Variants in XIRP2 observed in about 807,000 individuals in gnomAD.
XIRP2 encodes xin actin-binding repeat-containing protein 2.
XIRP2 carries 236 observed loss-of-function variants against 277.0 expected under a neutral mutation model. The observed-to-expected ratio is 0.85, with a 90% CI of 0.77 to 0.95. The LOEUF (loss-of-function observed/expected upper bound fraction) is 0.95, where lower values mean the gene tolerates loss of function less well. XIRP2 is among the 40% of genes least tolerant of loss of function. The pLI, the probability that XIRP2 is intolerant of heterozygous loss-of-function variation, is 0.00. For synonymous variants in XIRP2, 1,490 were observed against 1,416.5 expected (o/e 1.05, Z -1.17); for missense variants, 4,640 against 4,157.5 (o/e 1.12, Z -3.19).
chr2:166,936,356 G>A (rs1217665263), intron 2 of XIRP2, among the ~76,000 whole-genome samples: 21 of 152,282 alleles, frequency 1.4e-4, no homozygotes, highest in Non-Finnish European at 2.6e-4. Context: ...CTCCCATTCT[G>A]TAGGTTGCCT....
intron 2 of XIRP2, among the ~76,000 whole-genome samples, chr2:167,017,262 T>C (rs984077003): frequency 6.6e-6 from 1 of 151,980 alleles, no homozygotes; most frequent in Admixed American, 6.6e-5. Context: ...CTATTGTAAT[T>C]TCCTCTAACC....
intron 2 of XIRP2, among the ~76,000 whole-genome samples, chr2:167,132,841 G>C (rs1419413275): frequency 6.6e-6 from 1 of 152,152 alleles, no homozygotes; most frequent in Non-Finnish European, 1.5e-5. Context: ...CTCTCACTGA[G>C]TTAATTCCCC....
chr2:166,968,101 A>C (rs1454658910), intron 2 of XIRP2, among the ~76,000 whole-genome samples: 2 of 151,952 alleles, frequency 1.3e-5, no homozygotes, highest in Non-Finnish European at 2.9e-5. Flanking sequence ...ATGCTAGCTA[A>C]ACATATAGAA....
At chr2:167,170,213 TGTTGA>T (rs1692645476) in intron 3 of XIRP2, among the ~76,000 whole-genome samples, 1 of 152,138 alleles carries the variant, frequency 6.6e-6, no homozygotes, top group African/African-American at 2.4e-5. Context: ...GTTTCTAATA[TGTTGA>T]GATTTTTGAG....
chr2:167,220,774 T>C (rs181330094), intron 5 of XIRP2, among the ~76,000 whole-genome samples: 1 of 152,350 alleles, frequency 6.6e-6, no homozygotes, highest in East Asian at 1.9e-4. Flanking sequence ...TTTCCCTAAA[T>C]GGAAGTTCTC....
intron 2 of XIRP2, among the ~76,000 whole-genome samples, chr2:166,912,162 T>C (rs2105347298): frequency 6.6e-6 from 1 of 152,332 alleles, no homozygotes; most frequent in East Asian, 1.9e-4. Flanking sequence ...CCTGCCTTGC[T>C]AGGTTGGGGA....
rs187376016 is a variant in XIRP2 at position 167,057,105 on chromosome 2, A to G, written c.409-78804A>G. ...AAGTGCATGGTCCAAGGATCACTAA[A>G]TATTTATTATCTATTACCATCATCA... On this transcript the variant is annotated intron_variant, in intron 2 of 10. Coordinates refer to ENST00000409195, the MANE Select transcript of XIRP2 (RefSeq NM_152381.6). Among the ~76,000 whole-genome samples, 576 of 152,302 alleles carry G rather than the reference A, an allele frequency of 3.8e-3. 4 individuals carry two copies. Among genetic ancestry groups the G allele is most frequent in the Non-Finnish European group, 6.9e-3 (466 of 68,010 alleles).
chr2:166,917,747 G>A (rs1684928090), intron 2 of XIRP2, among the ~76,000 whole-genome samples: 7 of 152,044 alleles, frequency 4.6e-5, no homozygotes, highest in Admixed American at 4.6e-4. Context: ...GACTAGTGAG[G>A]GTTTTTGCCC....
intron 2 of XIRP2, among the ~76,000 whole-genome samples, chr2:166,968,733 G>A (rs1312086691): frequency 6.6e-6 from 1 of 151,722 alleles, no homozygotes; most frequent in African/African-American, 2.4e-5. Context: ...ACCTTTAAAG[G>A]TAAAAAATTT....
chr2:167,028,594 AGGT>A (rs1688240510), intron 2 of XIRP2, among the ~76,000 whole-genome samples: 1 of 152,070 alleles, frequency 6.6e-6, no homozygotes, highest in Admixed American at 6.6e-5. Context: ...TTCCCAAGAC[AGGT>A]ACAAAGAAGT....
rs1559041719 is a variant in XIRP2, at chr2:167,247,375, G to A, written c.5983G>A (p.Asp1995Asn). 1 of 1,613,642 alleles carries A rather than the reference G, an allele frequency of 6.2e-7. No homozygotes were observed. The highest frequency in any genetic ancestry group is 8.5e-7 in the Non-Finnish European group (1 of 1,179,814). Residue 1995 changes from aspartate (D) to asparagine (N), a missense_variant, in exon 9 of 11, where the codon GAT becomes AAT. Transcript: ENST00000409195. Reference sequence around the variant, plus strand: ...AGCGGCCAAGTGGCAAGGGGGAGCAGATACTCTCAGTCAAACTATGGGGAA... The same window carrying A: ...AGCGGCCAAGTGGCAAGGGGGAGCAAATACTCTCAGTCAAACTATGGGGAA... Reference protein sequence around the residue: ...EPAAKWQGGADTLSQTMGKSC... With the variant: ...EPAAKWQGGANTLSQTMGKSC...
At chr2:167,109,601 A>G (rs1245102892) in intron 2 of XIRP2, among the ~76,000 whole-genome samples, 1 of 152,114 alleles carries the variant, frequency 6.6e-6, no homozygotes, top group East Asian at 1.9e-4. Flanking sequence ...TTCTTTAACC[A>G]GTCTAACGTT....
chr2:167,227,128 C>A (rs1418003788), intron 5 of XIRP2, among the ~76,000 whole-genome samples: 24 of 152,104 alleles, frequency 1.6e-4, no homozygotes, highest in Non-Finnish European at 1.5e-5. Flanking sequence ...GATTTCTGAT[C>A]TGAGGCTTAT....
intron 2 of XIRP2, among the ~76,000 whole-genome samples, chr2:167,067,168 T>C (rs2105246247): frequency 6.6e-6 from 1 of 152,248 alleles, no homozygotes; most frequent in South Asian, 2.1e-4. Context: ...TTCAATTACA[T>C]ATATCTATGA....
chr2:166,908,396 G>C (rs528126050), intron 2 of XIRP2, among the ~76,000 whole-genome samples: 1 of 152,202 alleles, frequency 6.6e-6, no homozygotes, highest in African/African-American at 2.4e-5. Context: ...TGTGTGTGTT[G>C]GCTGCATAAA....
intron 3 of XIRP2, among the ~76,000 whole-genome samples, chr2:167,189,048 ACT>A (rs1190647957): frequency 3.6e-4 from 55 of 152,298 alleles, no homozygotes; most frequent in African/African-American, 1.1e-3. Flanking sequence ...TTGATAATGT[ACT>A]GTTGTTCACA....
chr2:167,258,069 G>T lies in XIRP2; in HGVS notation c.*252G>T, dbSNP rs748455683. ...ATTGCAGAAAACACCCTTGTACCTGGAGATCGTAATGAACATTTAGATGCT... is the reference window on the plus strand; with the variant it reads ...ATTGCAGAAAACACCCTTGTACCTGTAGATCGTAATGAACATTTAGATGCT... On this transcript the variant is annotated 3_prime_UTR_variant, in exon 11 of 11. Coordinates refer to ENST00000409195, the MANE Select transcript of XIRP2 (RefSeq NM_152381.6). The T allele has an allele frequency of 1.1e-5, 18 of 1,612,892 alleles. No homozygotes were observed. In the South Asian group the frequency reaches 1.5e-4, roughly 14 times the overall value.
intron 2 of XIRP2, among the ~76,000 whole-genome samples, chr2:167,027,308 C>A (rs890413802): frequency 2.6e-5 from 4 of 152,134 alleles, no homozygotes; most frequent in African/African-American, 4.8e-5. Flanking sequence ...GCTCCTGAGG[C>A]TTCTACATTC....
chr2:167,225,550 C>T (rs1694571096), intron 5 of XIRP2, among the ~76,000 whole-genome samples: 1 of 152,140 alleles, frequency 6.6e-6, no homozygotes, highest in Non-Finnish European at 1.5e-5. Flanking sequence ...TGCCAGAGAA[C>T]TGTTGCTTTT....
Sources: gnomAD v4.1 joint callset for allele counts (sites outside exome capture counted in the v4.1 genomes callset) on GRCh38, gnomAD v4.1.1 for gene constraint, MANE v1.5 for transcripts, NCBI Gene and HGNC (gene_info 2026-07-23, HGNC 2026-07-21) for gene names.